NCALD: variants seen among roughly 807,000 people sequenced by gnomAD.
NCALD encodes the protein neurocalcin delta, also known as neurocalcin-delta.
NCALD carries 10 observed loss-of-function variants against 18.6 expected under a neutral mutation model. The observed-to-expected ratio is 0.54, with a 90% CI of 0.33 to 0.91. NCALD has a LOEUF of 0.91. NCALD is among the 40% of genes least tolerant of loss of function. NCALD has a pLI of 0.03. For missense variants in NCALD, 184 were observed against 247.6 expected (o/e 0.74, Z 1.72); for synonymous variants, 88 against 87.4 (o/e 1.01, Z -0.04).
At chr8:101,874,093 C>T (rs1230275297) in intron 4 of NCALD, among the ~76,000 whole-genome samples, 1 of 152,178 alleles carries the variant, frequency 6.6e-6, no homozygotes, top group African/African-American at 2.4e-5. Context: ...TATGCCCCAA[C>T]AGTCTTATCT....
At chr8:101,956,136 A>G (rs937855613) in intron 2 of NCALD, among the ~76,000 whole-genome samples, 1 of 152,190 alleles carries the variant, frequency 6.6e-6, no homozygotes, top group Admixed American at 6.5e-5. Flanking sequence ...CCATACTCTC[A>G]TGATTGATAT....
chr8:102,044,750 A>G (rs1411808415), intron 1 of NCALD, among the ~76,000 whole-genome samples: 1 of 152,204 alleles, frequency 6.6e-6, no homozygotes, highest in East Asian at 1.9e-4. Flanking sequence ...TGTTTGTGCC[A>G]CAGTTAAGAG....
At chr8:101,911,856 A>G (rs930083339) in intron 3 of NCALD, among the ~76,000 whole-genome samples, 3 of 152,188 alleles carry the variant, frequency 2.0e-5, no homozygotes, top group African/African-American at 7.2e-5. Context: ...AGACACAATG[A>G]TGACATGATC....
intron 2 of NCALD, among the ~76,000 whole-genome samples, chr8:101,930,578 T>A (rs1430743359): frequency 1.3e-5 from 2 of 151,790 alleles, no homozygotes; most frequent in Non-Finnish European, 2.9e-5. Flanking sequence ...CTCGTCACCC[T>A]AAATGGCAAG....
At chr8:101,979,487 A>G (rs1046656884) in intron 2 of NCALD, among the ~76,000 whole-genome samples, 1 of 152,240 alleles carries the variant, frequency 6.6e-6, no homozygotes, top group African/African-American at 2.4e-5. Context: ...ATAAAAATAG[A>G]GTCCTATAGC....
At chr8:101,902,571 G>A (rs1453358607) in intron 3 of NCALD, among the ~76,000 whole-genome samples, 1 of 152,236 alleles carries the variant, frequency 6.6e-6, no homozygotes, top group Middle Eastern at 3.4e-3. Context: ...CAGGTGACTG[G>A]ACCGACAGCC....
At chr8:101,745,166 G>A (rs903082993) in intron 1 of NCALD, among the ~76,000 whole-genome samples, 1 of 151,928 alleles carries the variant, frequency 6.6e-6, no homozygotes, top group African/African-American at 2.4e-5. Flanking sequence ...AACCTATTAT[G>A]CATGCTCCAC....
chr8:101,902,273 T>C, intron 3 of NCALD, among the ~76,000 whole-genome samples: 1 of 1,442 alleles, frequency 6.9e-4, no homozygotes, highest in East Asian at 9.6e-3. Flanking sequence ...ATCCACTGAG[T>C]TTTTTTTTTT....
At chr8:102,066,798 T>A (rs1358418295) in intron 1 of NCALD, among the ~76,000 whole-genome samples, 2 of 152,204 alleles carry the variant, frequency 1.3e-5, no homozygotes, top group Non-Finnish European at 2.9e-5. Context: ...GGAAAACTCT[T>A]CAACTAAAGC....
At chr8:102,088,876 A>C (rs548387642) in intron 1 of NCALD, among the ~76,000 whole-genome samples, 160 of 152,282 alleles carry the variant, frequency 1.1e-3, no homozygotes, top group Non-Finnish European at 1.6e-3. Flanking sequence ...ATCAGAAATT[A>C]CTTCAAATTA....
chr8:101,953,973 G>T (rs1050936862), intron 2 of NCALD, among the ~76,000 whole-genome samples: 2 of 152,222 alleles, frequency 1.3e-5, no homozygotes, highest in African/African-American at 4.8e-5. Context: ...ACTCCAGGTA[G>T]TCAGCAACAG....
intron 1 of NCALD, among the ~76,000 whole-genome samples, chr8:102,022,343 CAAG>C (rs1822304611): frequency 6.6e-6 from 1 of 152,156 alleles, no homozygotes; most frequent in Non-Finnish European, 1.5e-5. Flanking sequence ...TTTGCAATAG[CAAG>C]AAGAGATTTA....
chr8:102,062,115 C>T (rs1214377880), intron 1 of NCALD, among the ~76,000 whole-genome samples: 2 of 152,132 alleles, frequency 1.3e-5, no homozygotes, highest in South Asian at 2.1e-4. Flanking sequence ...TCAAAAATGT[C>T]GAAGTTGGCT....
intron 1 of NCALD, among the ~76,000 whole-genome samples, chr8:102,098,467 C>T (rs1247942983): frequency 6.9e-6 from 1 of 145,598 alleles, no homozygotes; most frequent in African/African-American, 2.4e-5. Context: ...CTAACAGCTT[C>T]CCAAGTTGCT....
At chr8:101,935,709 G>A (rs1818736055) in intron 2 of NCALD, among the ~76,000 whole-genome samples, 1 of 151,186 alleles carries the variant, frequency 6.6e-6, no homozygotes, top group African/African-American at 2.4e-5. Context: ...AAGTGGATAT[G>A]ATGAGTCTGG....
intron 3 of NCALD, among the ~76,000 whole-genome samples, chr8:101,908,672 C>T (rs958340318): frequency 9.2e-5 from 14 of 152,054 alleles, no homozygotes; most frequent in Non-Finnish European, 1.9e-4. Context: ...ATACTCATGA[C>T]CTGAAGATAA....
At chr8:102,067,592 G>T (rs1459413407) in intron 1 of NCALD, among the ~76,000 whole-genome samples, 1 of 152,086 alleles carries the variant, frequency 6.6e-6, no homozygotes, top group Non-Finnish European at 1.5e-5. Context: ...TGCTACCACA[G>T]AAAACGTAAT....
intron 2 of NCALD, among the ~76,000 whole-genome samples, chr8:101,943,190 G>T (rs1024999899): frequency 6.6e-6 from 1 of 151,194 alleles, no homozygotes; most frequent in African/African-American, 2.5e-5. Flanking sequence ...TCTTGAAGCA[G>T]GTGGCAAAAA....
intron 4 of NCALD, among the ~76,000 whole-genome samples, chr8:101,860,866 G>A (rs894535571): frequency 6.6e-6 from 1 of 152,014 alleles, no homozygotes; most frequent in South Asian, 2.1e-4. Flanking sequence ...TGGAGGCAGT[G>A]GTGAGCTGTA....
Sources: gnomAD v4.1 joint callset for allele counts (sites outside exome capture counted in the v4.1 genomes callset) on GRCh38, gnomAD v4.1.1 for gene constraint, MANE v1.5 for transcripts, NCBI Gene and HGNC (gene_info 2026-07-23, HGNC 2026-07-21) for gene names.